The following LDLRAD3 variants were observed in gnomAD, a reference collection of about 807,000 sequenced individuals.
LDLRAD3 encodes the protein low density lipoprotein receptor class A domain containing 3, also known as low-density lipoprotein receptor class A domain-containing protein 3.
In LDLRAD3, 20 loss-of-function variants were observed where a neutral mutation model predicts 29.4. That is an observed-to-expected ratio of 0.68 (90% CI 0.48 to 0.99). The LOEUF (loss-of-function observed/expected upper bound fraction) is 0.99, where lower values mean the gene tolerates loss of function less well. Among genes scored for constraint, LDLRAD3 ranks in the 50% least tolerant of loss-of-function variants. The pLI is 0.00. For missense variants in LDLRAD3, 420 were observed against 454.3 expected, an observed-to-expected ratio of 0.92 and a Z score of 0.69; for synonymous variants, 157 against 192.7, an observed-to-expected ratio of 0.81 and a Z score of 1.53.
At chr11:36,227,807 A>G (rs1051280000) in intron 5 of LDLRAD3, among the ~76,000 whole-genome samples, 2 of 152,198 alleles carry the variant, frequency 1.3e-5, no homozygotes, top group African/African-American at 4.8e-5. Flanking sequence ...ACGCTGGTCC[A>G]TGTTCTGGCC....
chr11:35,982,078 T>G (rs1851549389), intron 1 of LDLRAD3, among the ~76,000 whole-genome samples: 1 of 152,144 alleles, frequency 6.6e-6, no homozygotes, highest in Non-Finnish European at 1.5e-5. Flanking sequence ...TTAAATAGTT[T>G]TCTGGAGTGG....
At chr11:36,219,685 C>T (rs1385744912) in intron 4 of LDLRAD3, among the ~76,000 whole-genome samples, 1 of 152,154 alleles carries the variant, frequency 6.6e-6, no homozygotes, top group African/African-American at 2.4e-5. Flanking sequence ...AATGTAGAAG[C>T]TAAAGCTATA....
intron 4 of LDLRAD3, among the ~76,000 whole-genome samples, chr11:36,187,603 T>C (rs1326400073): frequency 1.3e-5 from 2 of 152,156 alleles, no homozygotes; most frequent in Non-Finnish European, 2.9e-5. Context: ...AGCAGACACA[T>C]TGTGAAATGG....
intron 4 of LDLRAD3, chr11:36,163,262 G>C (rs1854468639): frequency 6.6e-6 from 1 of 152,230 alleles, no homozygotes. Context: ...GGATTGCTTG[G>C]CTATAAATGG....
intron 1 of LDLRAD3, among the ~76,000 whole-genome samples, chr11:35,959,919 G>A (rs1262362720): frequency 6.6e-6 from 1 of 152,132 alleles, no homozygotes; most frequent in Non-Finnish European, 1.5e-5. Context: ...GTGACAGAGT[G>A]AGACTCCATC....
At chr11:36,227,786 C>T (rs533597597) in intron 5 of LDLRAD3, among the ~76,000 whole-genome samples, 35 of 152,288 alleles carry the variant, frequency 2.3e-4, no homozygotes, top group Non-Finnish European at 3.7e-4. Context: ...CCTGCTCCTC[C>T]TGGGAATGTC....
chr11:36,019,851 G>A (rs1488064412), intron 1 of LDLRAD3, among the ~76,000 whole-genome samples: 2 of 152,148 alleles, frequency 1.3e-5, no homozygotes, highest in African/African-American at 4.8e-5. Flanking sequence ...TGACTGAGAG[G>A]CGGTCTGCCA....
intron 4 of LDLRAD3, chr11:36,163,639 A>G (rs942424267): frequency 4.6e-5 from 7 of 151,538 alleles, no homozygotes; most frequent in African/African-American, 1.7e-4. Context: ...CACCCATTTG[A>G]TAACCCACTT....
At chr11:36,204,578 C>A (rs968815365) in intron 4 of LDLRAD3, among the ~76,000 whole-genome samples, 1 of 151,684 alleles carries the variant, frequency 6.6e-6, no homozygotes, top group African/African-American at 2.4e-5. Flanking sequence ...ACCTCCACCT[C>A]CCGGGTTTAA....
chr11:36,019,356 G>A (rs552314195), intron 1 of LDLRAD3, among the ~76,000 whole-genome samples: 1 of 152,234 alleles, frequency 6.6e-6, no homozygotes, highest in African/African-American at 2.4e-5. Context: ...CTGGAGATGT[G>A]CTGGCACTCT....
intron 1 of LDLRAD3, among the ~76,000 whole-genome samples, chr11:35,956,530 C>T (rs896754505): frequency 2.6e-5 from 4 of 152,122 alleles, no homozygotes; most frequent in African/African-American, 4.8e-5. Context: ...GTTTGAGAGG[C>T]ATTGATGTGG....
chr11:36,217,053 C>T (rs1337952639), intron 4 of LDLRAD3, among the ~76,000 whole-genome samples: 1 of 152,138 alleles, frequency 6.6e-6, no homozygotes, highest in Non-Finnish European at 1.5e-5. Context: ...AATAAAATGG[C>T]ACACTTCACA....
At chr11:36,048,749 C>T (rs1440432658) in intron 2 of LDLRAD3, among the ~76,000 whole-genome samples, 2 of 152,194 alleles carry the variant, frequency 1.3e-5, no homozygotes, top group African/African-American at 2.4e-5. Context: ...CAGGCCTCTT[C>T]CATCTCCCTT....
chr11:36,191,652 G>T (rs1478994921), intron 4 of LDLRAD3, among the ~76,000 whole-genome samples: 1 of 145,582 alleles, frequency 6.9e-6, no homozygotes, highest in South Asian at 2.2e-4. Flanking sequence ...AGAAGAAATT[G>T]ATAGAATACT....
intron 3 of LDLRAD3, among the ~76,000 whole-genome samples, chr11:36,093,124 G>A (rs916107759): frequency 6.6e-6 from 1 of 152,160 alleles, no homozygotes; most frequent in African/African-American, 2.4e-5. Context: ...CTTTATGATG[G>A]GAGAGTAAAA....
Position 36,113,281 on chromosome 11 carries a change from G to A in LDLRAD3, c.454+14820G>A, listed in dbSNP as rs141344556. On this transcript the variant is annotated intron_variant, in intron 4 of 5. Transcript: ENST00000315571. ...AGGTTATGGCTTAATAAGTGCCTTC[G>A]ATGAGAAAAAGATCTCTCACTTGGA... 7.5e-4 allele frequency among the ~76,000 whole-genome samples: 114 copies of A among 152,152 alleles called. 1 individual carries two copies. In the East Asian group the frequency reaches 0.02, roughly 26 times the overall value.
chr11:36,043,010 A>T (rs201372121), intron 2 of LDLRAD3, among the ~76,000 whole-genome samples: 1 of 53,518 alleles, frequency 1.9e-5, no homozygotes, highest in Non-Finnish European at 7.5e-5. Context: ...TCCTTTGTTT[A>T]AAAAAAAAAA....
intron 1 of LDLRAD3, among the ~76,000 whole-genome samples, chr11:35,964,880 T>C (rs1233793480): frequency 6.6e-6 from 1 of 151,820 alleles, no homozygotes; most frequent in East Asian, 1.9e-4. Flanking sequence ...TGCCTGCTAC[T>C]CAGAAGCTTG....
chr11:36,145,979 G>A lies in LDLRAD3; in HGVS notation c.454+47518G>A, dbSNP rs549686419. 9.0e-5 allele frequency among the ~76,000 whole-genome samples: 13 copies of A among 143,842 alleles called. No individual in the cohort carries two copies. In the East Asian group the frequency reaches 1.5e-3, roughly 16 times the overall value. The allele number at this position is 143,842 out of a possible 152,430, so 94.4% of individuals were successfully genotyped here. On this transcript the variant is annotated intron_variant, in intron 4 of 5. Transcript: ENST00000315571. Reference sequence around the variant, plus strand: ...GTGACCCTGCTAAATCTCCCTCTGCGAGAAACACCCAAGAATGATCAATAA... The same window carrying A: ...GTGACCCTGCTAAATCTCCCTCTGCAAGAAACACCCAAGAATGATCAATAA...
Sources: gnomAD v4.1 joint callset for allele counts (sites outside exome capture counted in the v4.1 genomes callset) on GRCh38, gnomAD v4.1.1 for gene constraint, MANE v1.5 for transcripts, NCBI Gene and HGNC (gene_info 2026-07-23, HGNC 2026-07-21) for gene names.